PCDH15: variants seen among roughly 807,000 people sequenced by gnomAD.
The protein encoded by PCDH15 is protocadherin related 15.
A neutral mutation model predicts 178.5 loss-of-function variants in PCDH15; 129 were observed. That is an observed-to-expected ratio of 0.72 (90% CI 0.63 to 0.84). The LOEUF (loss-of-function observed/expected upper bound fraction) is 0.84, where lower values mean the gene tolerates loss of function less well. Among genes scored for constraint, PCDH15 ranks in the 40% least tolerant of loss-of-function variants. The pLI is 0.00. For synonymous variants in PCDH15, 800 were observed against 732.0 expected (o/e 1.09, Z -1.50); for missense variants, 2,230 against 2,099.9 (o/e 1.06, Z -1.21).
intron 2 of PCDH15, among the ~76,000 whole-genome samples, chr10:55,550,205 C>T (rs1841976289): frequency 6.6e-6 from 1 of 152,032 alleles, no homozygotes; most frequent in East Asian, 1.9e-4. Context: ...CTATTGTATT[C>T]TTCTAATCAA....
In PCDH15 at chr10:54,195,563, A is replaced by C. The variant is rs527760041; in HGVS notation, c.1305+120T>G. The C allele has an allele frequency of 1.2e-5, 10 of 834,166 alleles. No individual in the cohort carries two copies. In the East Asian group the frequency reaches 2.4e-4, roughly 20 times the overall value. The allele number at this position is 834,166 out of a possible 1,614,324, so 51.7% of individuals were successfully genotyped here. Reference sequence around the variant, plus strand: ...GAATTAAATTATAACACTAAAACTCACTTACAGTGACTTAATTCTCTCTTC... The same window carrying C: ...GAATTAAATTATAACACTAAAACTCCCTTACAGTGACTTAATTCTCTCTTC... On this transcript the variant is annotated intron_variant, in intron 11 of 37. Transcript: ENST00000644397.
At chr10:54,782,938 A>G (rs1299222588) in intron 1 of PCDH15, among the ~76,000 whole-genome samples, 1 of 152,030 alleles carries the variant, frequency 6.6e-6, no homozygotes, top group African/African-American at 2.4e-5. Context: ...AAGCCAAAGC[A>G]CTCTACCAAA....
Position 55,463,265 on chromosome 10 carries a change from T to A in PCDH15, c.-156+164360A>T, listed in dbSNP as rs530216079. 2.5e-4 allele frequency among the ~76,000 whole-genome samples: 38 copies of A among 151,968 alleles called. 1 individual carries two copies. In the South Asian group the frequency reaches 6.6e-3, roughly 27 times the overall value. On this transcript the variant is annotated intron_variant, in intron 2 of 5. Transcript: ENST00000613346. Reference sequence around the variant, plus strand: ...ACTCCATATGCTAGAATGACTAGAGTTATACTGATAAGAAATCTACCATAA... The same window carrying A: ...ACTCCATATGCTAGAATGACTAGAGATATACTGATAAGAAATCTACCATAA...
intron 2 of PCDH15, among the ~76,000 whole-genome samples, chr10:55,626,979 A>G (rs1837542382): frequency 6.6e-6 from 1 of 152,190 alleles, no homozygotes; most frequent in South Asian, 2.1e-4. Flanking sequence ...AGAAGGAAGG[A>G]GAGAAGGAAG....
At chr10:54,146,380 C>G (rs1244507383) in intron 14 of PCDH15, among the ~76,000 whole-genome samples, 1 of 151,708 alleles carries the variant, frequency 6.6e-6, no homozygotes, top group Non-Finnish European at 1.5e-5. Flanking sequence ...TTATTAGAAG[C>G]TATTTGGGGA....
chr10:53,808,588 T>TTC (rs1485265369), intron 37 of PCDH15: 2 of 1,467,584 alleles, frequency 1.4e-6, no homozygotes, highest in Non-Finnish European at 1.8e-6. Flanking sequence ...TATCAAAATC[T>TTC]TGATCAATTT....
chr10:54,881,886 A>G (rs962168963), intron 3 of PCDH15, among the ~76,000 whole-genome samples: 2 of 152,158 alleles, frequency 1.3e-5, no homozygotes, highest in African/African-American at 4.8e-5. Context: ...AGTAATGGGC[A>G]GGAATATTCC....
In PCDH15 at chr10:54,391,943, A is replaced by G. The variant is rs573245728; in HGVS notation, c.158-13001T>C. On this transcript the variant is annotated intron_variant, in intron 3 of 37. Transcript: ENST00000644397. ...TTCGGGAGAAATTGAGAGGAAATTT[A>G]TGAGTTAAAGCTTAAGTGATTGGCT... 2.6e-5 allele frequency among the ~76,000 whole-genome samples: 4 copies of G among 152,334 alleles called. No individual in the cohort carries two copies. In the South Asian group the frequency reaches 6.2e-4, roughly 24 times the overall value.
intron 5 of PCDH15, among the ~76,000 whole-genome samples, chr10:54,350,879 G>A (rs1028405791): frequency 6.6e-6 from 1 of 152,052 alleles, no homozygotes; most frequent in African/African-American, 2.4e-5. Flanking sequence ...TGAACTAGAT[G>A]GATTACTTGA....
chr10:54,062,151 C>T (rs557279072), intron 18 of PCDH15, among the ~76,000 whole-genome samples: 22 of 139,070 alleles, frequency 1.6e-4, no homozygotes, highest in East Asian at 2.4e-4. Context: ...TGAACCTGGG[C>T]GGCAGAGGTT....
At chr10:55,220,336 G>A (rs1324883082) in intron 1 of PCDH15, among the ~76,000 whole-genome samples, 2 of 151,884 alleles carry the variant, frequency 1.3e-5, no homozygotes, top group African/African-American at 4.8e-5. Flanking sequence ...TTGACTTATA[G>A]AATTTAATTT....
intron 2 of PCDH15, among the ~76,000 whole-genome samples, chr10:54,946,760 A>T (rs1389721656): frequency 6.6e-6 from 1 of 151,884 alleles, no homozygotes; most frequent in Non-Finnish European, 1.5e-5. Context: ...TTGATGGAGC[A>T]ATTGTATGAG....
intron 2 of PCDH15, among the ~76,000 whole-genome samples, chr10:55,523,743 C>T (rs1434830598): frequency 6.6e-6 from 1 of 151,556 alleles, no homozygotes; most frequent in Non-Finnish European, 1.5e-5. Context: ...CGAATCATGA[C>T]AATGCTAATC....
At chr10:55,309,778 T>G (rs1371592485) in intron 1 of PCDH15, among the ~76,000 whole-genome samples, 2 of 152,164 alleles carry the variant, frequency 1.3e-5, no homozygotes, top group African/African-American at 2.4e-5. Flanking sequence ...AAGTGTTCTT[T>G]AAAAAGAGTT....
In PCDH15 at chr10:55,622,129, A is replaced by G. The variant is rs1187355148; in HGVS notation, c.-156+5496T>C. On this transcript the variant is annotated intron_variant, in intron 2 of 5. Coordinates refer to the PCDH15 transcript ENST00000613346. ...ATTATATATATCTATAAATATATAT[A>G]TTATATATATTATATATATCTATAA... is the stretch of plus-strand genomic sequence containing the variant. 4.8e-5 allele frequency among the ~76,000 whole-genome samples: 3 copies of G among 61,936 alleles called. No individual in the cohort carries two copies. The South Asian group carries it at 1.3e-3, about 26-fold the overall frequency. The allele number at this position is 61,936 out of a possible 152,430, so 40.6% of individuals were successfully genotyped here. A position where few individuals can be genotyped will look rare whatever the true frequency, so the allele number is the denominator to read the frequency against.
At position 55,170,213 on chromosome 10, in the gene PCDH15, C is replaced by G. The variant is rs184448763; in HGVS notation, c.-155-3562G>C. On this transcript the variant is annotated intron_variant, in intron 1 of 5. Transcript: ENST00000458638. ...GACCCAGGCTGAAGTACAGTGGCAT[C>G]ATTATGGCTCACTACAGGCTTGACC... 3.2e-3 allele frequency among the ~76,000 whole-genome samples: 486 copies of G among 152,128 alleles called. 1 individual carries two copies. Among genetic ancestry groups the G allele is most frequent in the South Asian group, 0.02 (96 of 4,826 alleles).
In PCDH15 at chr10:54,020,155, G is replaced by A. The variant is rs3812658; in HGVS notation, c.2751+37C>T. ...GGAACAAAACCTACATGTAGAGAGA[G>A]CAAAGCAGGCAACCAGAAGTCATCT... On this transcript the variant is annotated intron_variant, in intron 20 of 37. Transcript: ENST00000644397. 1,090,593 of 1,578,954 alleles carry A rather than the reference G, an allele frequency of 0.69. 390,397 individuals carry two copies. Among genetic ancestry groups the A allele is most frequent in the Middle Eastern group, 0.75 (4,519 of 5,998 alleles).
chr10:55,598,532 A>T (rs1263668128), intron 2 of PCDH15, among the ~76,000 whole-genome samples: 1 of 33,484 alleles, frequency 3.0e-5, no homozygotes, highest in Non-Finnish European at 4.9e-5. Flanking sequence ...ATATATATAT[A>T]TATATATATA....
chr10:54,427,516 G>A (rs1206777595), intron 3 of PCDH15, among the ~76,000 whole-genome samples: 1 of 151,754 alleles, frequency 6.6e-6, no homozygotes, highest in South Asian at 2.1e-4. Context: ...GACCTCAGGT[G>A]ATCCGCCCAC....
Sources: gnomAD v4.1 joint callset for allele counts (sites outside exome capture counted in the v4.1 genomes callset) on GRCh38, gnomAD v4.1.1 for gene constraint, MANE v1.5 for transcripts, NCBI Gene and HGNC (gene_info 2026-07-23, HGNC 2026-07-21) for gene names.